MAGI1: variants seen among roughly 807,000 people sequenced by gnomAD.
MAGI1 encodes membrane associated guanylate kinase, WW and PDZ domain containing 1, also known as membrane-associated guanylate kinase, WW and PDZ domain-containing protein 1.
MAGI1 carries 58 observed loss-of-function variants against 139.9 expected under a neutral mutation model. That is an observed-to-expected ratio of 0.41 (90% CI 0.34 to 0.52). The LOEUF is 0.52. Ranked by LOEUF, MAGI1 falls within the 20% of genes least tolerant of loss-of-function variation. MAGI1 has a pLI of 0.12. For synonymous variants in MAGI1, 812 were observed against 737.9 expected (o/e 1.10, Z -1.63); for missense variants, 1,874 against 1,901.6 (o/e 0.99, Z 0.27).
At chr3:65,816,637 G>T (rs1339936230) in intron 1 of MAGI1, among the ~76,000 whole-genome samples, 1 of 93,148 alleles carries the variant, frequency 1.1e-5, no homozygotes, top group South Asian at 5.9e-4. Flanking sequence ...AGCTAACAGG[G>T]GAAAAAAAAA....
At chr3:65,986,240 G>A (rs567024995) in intron 1 of MAGI1, among the ~76,000 whole-genome samples, 1 of 152,004 alleles carries the variant, frequency 6.6e-6, no homozygotes, top group Admixed American at 6.6e-5. Flanking sequence ...TTTTTCTGTT[G>A]ATGTAGTCCC....
intron 2 of MAGI1, among the ~76,000 whole-genome samples, chr3:65,582,796 T>C (rs1022451874): frequency 6.6e-6 from 1 of 152,148 alleles, no homozygotes; most frequent in South Asian, 2.1e-4. Context: ...TTTGCTTCCA[T>C]GAATGTGTGT....
intron 1 of MAGI1, among the ~76,000 whole-genome samples, chr3:65,927,825 G>A (rs2062597866): frequency 1.3e-5 from 2 of 152,102 alleles, no homozygotes; most frequent in Admixed American, 6.5e-5. Flanking sequence ...ATTGAATCAA[G>A]GGAAGGGAGA....
chr3:65,688,452 T>C (rs2107547666), intron 1 of MAGI1: 6 of 482,616 alleles, frequency 1.2e-5, no homozygotes, highest in Admixed American at 2.7e-5. Flanking sequence ...GAAGAAAGCA[T>C]GGAAACTCAA....
chr3:65,521,815 C>T (rs1259423058), intron 2 of MAGI1, among the ~76,000 whole-genome samples: 1 of 152,172 alleles, frequency 6.6e-6, no homozygotes, highest in Non-Finnish European at 1.5e-5. Flanking sequence ...TACAAAGAAG[C>T]TACCATTTCT....
intron 1 of MAGI1, among the ~76,000 whole-genome samples, chr3:65,897,182 G>A (rs1427336181): frequency 2.0e-5 from 3 of 152,108 alleles, no homozygotes; most frequent in Non-Finnish European, 4.4e-5. Flanking sequence ...ATATTTGATA[G>A]GTGGAAAAAC....
At chr3:65,630,712 G>A (rs956658171) in intron 1 of MAGI1, among the ~76,000 whole-genome samples, 1 of 152,148 alleles carries the variant, frequency 6.6e-6, no homozygotes, top group Non-Finnish European at 1.5e-5. Flanking sequence ...ATGTAGGAGG[G>A]GAGATTGAGA....
At chr3:66,030,403 T>A (rs2068525376) in intron 1 of MAGI1, among the ~76,000 whole-genome samples, 1 of 152,226 alleles carries the variant, frequency 6.6e-6, no homozygotes, top group African/African-American at 2.4e-5. Flanking sequence ...CTAGGCACCA[T>A]GCACTGTTTT....
chr3:65,895,601 C>T (rs1217525851), intron 1 of MAGI1, among the ~76,000 whole-genome samples: 1 of 152,192 alleles, frequency 6.6e-6, no homozygotes, highest in Non-Finnish European at 1.5e-5. Context: ...ATCTATCCGG[C>T]AGCTTTCTGT....
At chr3:65,838,394 T>C (rs535157627) in intron 1 of MAGI1, among the ~76,000 whole-genome samples, 1 of 152,330 alleles carries the variant, frequency 6.6e-6, no homozygotes, top group Non-Finnish European at 1.5e-5. Context: ...CTTTAGTGCA[T>C]ACACACCTCT....
At chr3:65,481,890 T>C (rs921228580) in intron 3 of MAGI1, among the ~76,000 whole-genome samples, 8 of 152,238 alleles carry the variant, frequency 5.3e-5, no homozygotes, top group African/African-American at 1.9e-4. Context: ...AGCAGATTTG[T>C]TAATGCAATT....
At chr3:65,732,616 A>G (rs2034305050) in intron 1 of MAGI1, among the ~76,000 whole-genome samples, 1 of 152,240 alleles carries the variant, frequency 6.6e-6, no homozygotes, top group African/African-American at 2.4e-5. Flanking sequence ...GTTGAATAGA[A>G]TGAGGATTCC....
intron 1 of MAGI1, among the ~76,000 whole-genome samples, chr3:65,804,486 GATATT>G (rs2040717467): frequency 6.6e-6 from 1 of 151,290 alleles, no homozygotes; most frequent in Non-Finnish European, 1.5e-5. Flanking sequence ...AAATTATATT[GATATT>G]ATATTAATAC....
intron 3 of MAGI1, among the ~76,000 whole-genome samples, chr3:65,488,815 G>A (rs1442052088): frequency 3.3e-5 from 5 of 151,950 alleles, no homozygotes; most frequent in Non-Finnish European, 7.4e-5. Flanking sequence ...GGGATTACAG[G>A]TGCACGCCAC....
At chr3:65,719,544 A>C (rs2032740873) in intron 1 of MAGI1, among the ~76,000 whole-genome samples, 1 of 149,796 alleles carries the variant, frequency 6.7e-6, no homozygotes, top group African/African-American at 2.5e-5. Context: ...TATCTACTCA[A>C]CCTCTTTTTT....
chr3:65,851,053 G>A (rs1318420220), intron 1 of MAGI1, among the ~76,000 whole-genome samples: 1 of 152,124 alleles, frequency 6.6e-6, no homozygotes, highest in East Asian at 1.9e-4. Flanking sequence ...GTTGCAGTGA[G>A]CCGAGATCAC....
At chr3:65,974,039 A>T (rs918676902) in intron 1 of MAGI1, among the ~76,000 whole-genome samples, 24 of 152,152 alleles carry the variant, frequency 1.6e-4, no homozygotes, top group Admixed American at 5.2e-4. Flanking sequence ...TTCCTTTTTC[A>T]GAATTAGCAT....
intron 1 of MAGI1, among the ~76,000 whole-genome samples, chr3:65,766,565 C>G (rs1159391558): frequency 6.6e-6 from 1 of 152,028 alleles, no homozygotes; most frequent in East Asian, 2.0e-4. Flanking sequence ...CCCTTGGCCG[C>G]AAGAATTATC....
chr3:65,633,634 C>A (rs1157700920), intron 1 of MAGI1, among the ~76,000 whole-genome samples: 2 of 152,108 alleles, frequency 1.3e-5, no homozygotes, highest in East Asian at 3.8e-4. Flanking sequence ...GAAAAGCAAG[C>A]TTAGGTTTAA....
Sources: gnomAD v4.1 joint callset for allele counts (sites outside exome capture counted in the v4.1 genomes callset) on GRCh38, gnomAD v4.1.1 for gene constraint, MANE v1.5 for transcripts, NCBI Gene and HGNC (gene_info 2026-07-23, HGNC 2026-07-21) for gene names.